NELL1: variants seen among roughly 807,000 people sequenced by gnomAD.
NELL1 encodes neural EGFL like 1, also known as protein kinase C-binding protein NELL1.
In NELL1, 76 loss-of-function variants were observed where a neutral mutation model predicts 107.4. That is an observed-to-expected ratio of 0.71 (90% CI 0.59 to 0.86). The LOEUF (loss-of-function observed/expected upper bound fraction) is 0.86, where lower values mean the gene tolerates loss of function less well. Among genes scored for constraint, NELL1 ranks in the 40% least tolerant of loss-of-function variants. NELL1 has a pLI of 0.00. For missense variants in NELL1, 1,024 were observed against 1,005.5 expected (o/e 1.02, Z -0.25); for synonymous variants, 353 against 341.2 (o/e 1.03, Z -0.38).
chr11:21,553,384 A>G (rs531175129), intron 16 of NELL1, among the ~76,000 whole-genome samples: 8 of 151,940 alleles, frequency 5.3e-5, no homozygotes, highest in African/African-American at 1.7e-4. Context: ...AAATGTTTCA[A>G]TAATTATGGA....
At chr11:21,571,863 T>C (rs897385143) in intron 18 of NELL1, among the ~76,000 whole-genome samples, 7 of 151,874 alleles carry the variant, frequency 4.6e-5, no homozygotes, top group African/African-American at 1.7e-4. Context: ...ATGGAAACTA[T>C]TAGCTGTGTG....
At chr11:21,488,331 T>C (rs564163067) in intron 15 of NELL1, among the ~76,000 whole-genome samples, 1 of 152,350 alleles carries the variant, frequency 6.6e-6, no homozygotes, top group South Asian at 2.1e-4. Context: ...TTCTATTTTT[T>C]TGAACTTGCT....
rs141181743 is a variant in NELL1 at position 20,763,844 on chromosome 11, G to A, written c.185-19836G>A. On this transcript the variant is annotated intron_variant, in intron 2 of 19. Coordinates refer to ENST00000357134, the MANE Select transcript of NELL1 (RefSeq NM_006157.5). ...GCAGGAATGGAGGGGGTTTGTGTGG[G>A]GCCTGGGTGAGTGTGTGTAGTATTA... Among the ~76,000 whole-genome samples, 99 of 152,286 alleles carry A rather than the reference G, an allele frequency of 6.5e-4. 1 individual carries two copies. Among genetic ancestry groups the A allele is most frequent in the African/African-American group, 2.1e-3 (89 of 41,556 alleles).
In NELL1 at chr11:21,011,668, T is replaced by C. The variant is rs1439662041; in HGVS notation, c.1300+51108T>C. Reference sequence around the variant, plus strand: ...TGCAGTTGGGCAGCAAGTCCTTCCATGAACGGAGATCTTAGGTTTCCATCT... The same window carrying C: ...TGCAGTTGGGCAGCAAGTCCTTCCACGAACGGAGATCTTAGGTTTCCATCT... On this transcript the variant is annotated intron_variant, in intron 12 of 19. Transcript: ENST00000357134. 2.6e-5 allele frequency among the ~76,000 whole-genome samples: 4 copies of C among 152,146 alleles called. No homozygotes were observed. The East Asian group carries it at 7.7e-4, about 29-fold the overall frequency.
At chr11:21,455,357 C>T (rs1321900194) in intron 15 of NELL1, among the ~76,000 whole-genome samples, 6 of 133,242 alleles carry the variant, frequency 4.5e-5, no homozygotes, top group African/African-American at 8.5e-5. Context: ...GAGAGAGACA[C>T]GGCCTTACCT....
At chr11:21,445,842 G>A (rs1251927819) in intron 15 of NELL1, among the ~76,000 whole-genome samples, 1 of 152,060 alleles carries the variant, frequency 6.6e-6, no homozygotes, top group African/African-American at 2.4e-5. Flanking sequence ...AAAGTGTCTT[G>A]TTGTTTTCTT....
intron 12 of NELL1, among the ~76,000 whole-genome samples, chr11:21,017,862 G>A (rs569902942): frequency 6.6e-6 from 1 of 152,060 alleles, no homozygotes; most frequent in Non-Finnish European, 1.5e-5. Context: ...GTGGAAATCA[G>A]CTTGTTGGAA....
intron 2 of NELL1, among the ~76,000 whole-genome samples, chr11:20,755,551 T>TTTTG (rs1491521746): frequency 1.1e-3 from 40 of 37,634 alleles, no homozygotes; most frequent in African/African-American, 4.3e-3. Context: ...TTTTTTTTTG[T>TTTTG]TTTTGTTTTT....
chr11:21,229,530 C>T, intron 14 of NELL1, 76 bp downstream of exon 14: 1 of 1,574,272 alleles, frequency 6.4e-7, no homozygotes, highest in African/African-American at 1.3e-5. Flanking sequence ...GTCGGACCTT[C>T]TTGGTAACTC....
At chr11:20,706,201 T>G (rs1026489421) in intron 2 of NELL1, among the ~76,000 whole-genome samples, 2 of 152,142 alleles carry the variant, frequency 1.3e-5, no homozygotes. Flanking sequence ...CATGCTGCTA[T>G]AAAGACACAT....
At chr11:21,293,129 A>T (rs1011468618) in intron 14 of NELL1, among the ~76,000 whole-genome samples, 1 of 152,208 alleles carries the variant, frequency 6.6e-6, no homozygotes, top group Non-Finnish European at 1.5e-5. Context: ...CTATCATCGG[A>T]GTGAACAGGC....
intron 14 of NELL1, among the ~76,000 whole-genome samples, chr11:21,341,545 G>A (rs1432217038): frequency 4.6e-5 from 7 of 152,162 alleles, no homozygotes; most frequent in Non-Finnish European, 1.0e-4. Flanking sequence ...TATATGTGAT[G>A]AATTATATTA....
rs867080070 is a variant in NELL1 at position 20,755,565 on chromosome 11, T to A, written c.185-28115T>A. On this transcript the variant is annotated intron_variant, in intron 2 of 19. Coordinates refer to ENST00000357134, the MANE Select transcript of NELL1 (RefSeq NM_006157.5). The stretch of plus-strand genomic sequence containing the variant: ...GTTTTTTTTTGTTTTTGTTTTTGTT[T>A]TTTTTTTTTTGAGACAGAATCTGGC... Among the ~76,000 whole-genome samples, 1,273 of 141,926 alleles carry A rather than the reference T, an allele frequency of 9.0e-3. 16 individuals are homozygous for A. The highest frequency in any genetic ancestry group is 0.018 in the Middle Eastern group (5 of 282). 93.1% of individuals were successfully genotyped at this position (141,926 alleles called of 152,430 possible).
intron 14 of NELL1, among the ~76,000 whole-genome samples, chr11:21,269,616 A>G (rs765471661): frequency 5.9e-5 from 9 of 152,112 alleles, no homozygotes; most frequent in Non-Finnish European, 7.4e-5. Flanking sequence ...TAGAGGAGAC[A>G]TAAAGCCATT....
chr11:21,232,976 A>T (rs1858103754), intron 14 of NELL1, among the ~76,000 whole-genome samples: 4 of 152,222 alleles, frequency 2.6e-5, no homozygotes, highest in Admixed American at 2.6e-4. Flanking sequence ...TTAAGTGTTA[A>T]ATATAGAAAA....
At chr11:20,905,965 A>G (rs1334265354) in intron 5 of NELL1, among the ~76,000 whole-genome samples, 1 of 152,170 alleles carries the variant, frequency 6.6e-6, no homozygotes, top group East Asian at 1.9e-4. Flanking sequence ...ATAAACTCAA[A>G]GGTATCCACA....
rs150477635 is a variant in NELL1 at position 21,389,975 on chromosome 11, A to G, written c.1645+19027A>G. ...ATGCTTAGGTGTAGTTTTAGTAGAT[A>G]CTGCCCAGTTTCCCAAAGTTGTTAT... On this transcript the variant is annotated intron_variant, in intron 15 of 19. Coordinates refer to ENST00000357134, the MANE Select transcript of NELL1 (RefSeq NM_006157.5). Among the ~76,000 whole-genome samples the G allele has an allele frequency of 2.2e-3, 338 of 151,950 alleles. 1 individual carries two copies. The East Asian group carries it at 0.045, about 20-fold the overall frequency.
chr11:21,247,398 T>G (rs956054070), intron 14 of NELL1, among the ~76,000 whole-genome samples: 4 of 152,222 alleles, frequency 2.6e-5, no homozygotes, highest in African/African-American at 9.6e-5. Flanking sequence ...TTTATAGCCT[T>G]ATTCTATAAG....
intron 15 of NELL1, among the ~76,000 whole-genome samples, chr11:21,382,196 G>C (rs1376692852): frequency 6.6e-6 from 1 of 151,846 alleles, no homozygotes. Flanking sequence ...TCAGCAATGT[G>C]AATAGGGACA....
Sources: gnomAD v4.1 joint callset for allele counts (sites outside exome capture counted in the v4.1 genomes callset) on GRCh38, gnomAD v4.1.1 for gene constraint, MANE v1.5 for transcripts, NCBI Gene and HGNC (gene_info 2026-07-23, HGNC 2026-07-21) for gene names.